The following LRRC58 variants were observed in gnomAD, a reference collection of about 807,000 sequenced individuals.
LRRC58 encodes leucine-rich repeat-containing protein 58.
In LRRC58, 18 loss-of-function variants were observed where a neutral mutation model predicts 30.6. The ratio of observed to expected loss-of-function variants is 0.59; its 90% CI spans 0.41 to 0.87. The LOEUF (loss-of-function observed/expected upper bound fraction) is 0.87, where lower values mean the gene tolerates loss of function less well. Ranked by LOEUF, LRRC58 falls within the 40% of genes least tolerant of loss-of-function variation. The pLI, the probability that LRRC58 is intolerant of heterozygous loss-of-function variation, is 0.00. For synonymous variants in LRRC58, 221 were observed against 206.0 expected (o/e 1.07, Z -0.62); for missense variants, 420 against 468.4 (o/e 0.90, Z 0.95).
chr3:120,346,539 T>C (rs1025682256), intron 1 of LRRC58, among the ~76,000 whole-genome samples: 1 of 152,176 alleles, frequency 6.6e-6, no homozygotes, highest in Non-Finnish European at 1.5e-5. Flanking sequence ...TATGACAGGA[T>C]CTACTGCATT....
At chr3:120,337,524 T>C (rs899586086) in intron 1 of LRRC58, among the ~76,000 whole-genome samples, 1 of 152,220 alleles carries the variant, frequency 6.6e-6, no homozygotes, top group Non-Finnish European at 1.5e-5. Context: ...TATATATATA[T>C]ATTCTGCATA....
chr3:120,343,575 T>C (rs1223372393), intron 1 of LRRC58, among the ~76,000 whole-genome samples: 5 of 152,234 alleles, frequency 3.3e-5, no homozygotes, highest in Non-Finnish European at 7.3e-5. Flanking sequence ...AAATTGTCTC[T>C]TGAAAAATGA....
At chr3:120,343,333 TCTA>T (rs1425672706) in intron 1 of LRRC58, among the ~76,000 whole-genome samples, 1 of 152,208 alleles carries the variant, frequency 6.6e-6, no homozygotes, top group African/African-American at 2.4e-5. Flanking sequence ...TATAACACAC[TCTA>T]CTGTTTCTGA....
intron 1 of LRRC58, among the ~76,000 whole-genome samples, chr3:120,344,077 AC>A (rs905261414): frequency 2.6e-4 from 40 of 151,810 alleles, no homozygotes; most frequent in African/African-American, 9.7e-4. Flanking sequence ...ACAAAAAAAA[AC>A]CCCCAAACAA....
chr3:120,341,328 T>G (rs1017535480), intron 1 of LRRC58, among the ~76,000 whole-genome samples: 1 of 151,848 alleles, frequency 6.6e-6, no homozygotes, highest in Non-Finnish European at 1.5e-5. Flanking sequence ...GAGAATACTA[T>G]CAGGGAAAAA....
intron 1 of LRRC58, among the ~76,000 whole-genome samples, chr3:120,338,024 G>A (rs1250163988): frequency 6.6e-6 from 1 of 152,024 alleles, no homozygotes; most frequent in Non-Finnish European, 1.5e-5. Flanking sequence ...TGTATTTTTA[G>A]TAGAGATGGG....
chr3:120,338,935 C>T (rs6438577), intron 1 of LRRC58, among the ~76,000 whole-genome samples: 47,112 of 152,148 alleles, frequency 0.31, 8,905 homozygotes, highest in African/African-American at 0.52. Context: ...GAAAAGCAGA[C>T]TGGAGCCTAA....
chr3:120,342,279 C>T (rs1935913602), intron 1 of LRRC58, among the ~76,000 whole-genome samples: 1 of 152,164 alleles, frequency 6.6e-6, no homozygotes, highest in Non-Finnish European at 1.5e-5. Flanking sequence ...CTCCTGGTGC[C>T]TCTCCCCGCC....
chr3:120,335,177 CAACGT>C, intron 2 of LRRC58, 38 bp from the exon 3 acceptor site: 5 of 1,552,928 alleles, frequency 3.2e-6, no homozygotes, highest in Non-Finnish European at 4.4e-6. Context: ...TGGCAGTAAA[CAACGT>C]AACTATCAAA....
intron 1 of LRRC58, among the ~76,000 whole-genome samples, chr3:120,346,876 C>T (rs1453293085): frequency 1.3e-5 from 2 of 152,186 alleles, no homozygotes; most frequent in African/African-American, 2.4e-5. Context: ...AAGACACATG[C>T]TTAAAACTCT....
chr3:120,335,416 G>A (rs1935820617), intron 2 of LRRC58, among the ~76,000 whole-genome samples: 1 of 152,160 alleles, frequency 6.6e-6, no homozygotes, highest in East Asian at 1.9e-4. Flanking sequence ...GAAGATTTGG[G>A]GGTGGGCAGT....
At chr3:120,335,737 T>C (rs557390068) in intron 2 of LRRC58, 88 bp downstream of exon 2, 4 of 1,107,886 alleles carry the variant, frequency 3.6e-6, no homozygotes, top group Middle Eastern at 2.2e-4. Flanking sequence ...CTAATTCTTT[T>C]CTACATATAA....
In LRRC58 at chr3:120,334,803, CTT is replaced by C. The variant is rs1231078695; in HGVS notation, c.907+57_907+58del. On this transcript the variant is annotated intron_variant, in intron 3 of 3. Coordinates refer to ENST00000295628, the MANE Select transcript of LRRC58 (RefSeq NM_001099678.2). ...GAGACTGCTTTTGTCTGAAAGAAGA[CTT>C]AATTAATTTAAAAAATAGCTAAATA... The C allele has an allele frequency of 5.0e-6, 7 of 1,412,384 alleles. No homozygotes were observed. In the African/African-American group the frequency reaches 1.0e-4, roughly 20 times the overall value. The allele number at this position is 1,412,384 out of a possible 1,614,324, so 87.5% of individuals were successfully genotyped here.
At position 120,325,692 on chromosome 3, in the gene LRRC58, C is replaced by T. The variant is rs1249688888; in HGVS notation, c.*5508G>A. On this transcript the variant is annotated 3_prime_UTR_variant, in exon 4 of 4. Coordinates refer to ENST00000295628, the MANE Select transcript of LRRC58 (RefSeq NM_001099678.2). ...TATTCAAACATGTCTCACTTTCAAC[C>T]TATATTACAAAGAAAACCAGTGGCA... 6.6e-6 allele frequency: 1 copy of T among 152,132 alleles called. No homozygotes were observed. Among genetic ancestry groups the T allele is most frequent in the Non-Finnish European group, 1.5e-5 (1 of 68,016 alleles). The allele number at this position is 152,132 out of a possible 1,614,324, so 9.4% of individuals were successfully genotyped here. A position where few individuals can be genotyped will look rare whatever the true frequency, so the allele number is the denominator to read the frequency against.
intron 1 of LRRC58, among the ~76,000 whole-genome samples, chr3:120,347,091 GTCT>G (rs1381459152): frequency 2.6e-5 from 4 of 152,074 alleles, no homozygotes; most frequent in Non-Finnish European, 5.9e-5. Context: ...CATTCTGTAG[GTCT>G]TCATAGAACT....
In LRRC58 at chr3:120,334,987, G is replaced by A; in HGVS notation, c.782C>T (p.Thr261Ile). ...GGTCCGTGCAGCTAATTCCAGGAGA[G>A]TTGGAGGATCATAGGTTAAATCTCT... ...FVRDLTYDPP[T>I]LLELAARTIK... Residue 261 changes from threonine to isoleucine, a missense_variant, in exon 3 of 4, where the codon ACT becomes ATT. Around this residue, in one of 2 missense-constraint regions of LRRC58, gnomAD observed 154 missense variants for 216.8 expected, o/e 0.71. Transcript: ENST00000295628. 6.2e-7 allele frequency: 1 copy of A among 1,613,888 alleles called. No individual in the cohort carries two copies. Among genetic ancestry groups the A allele is most frequent in the Non-Finnish European group, 8.5e-7 (1 of 1,179,846 alleles).
At position 120,326,907 on chromosome 3, in the gene LRRC58, T is replaced by C. The variant is rs941824523; in HGVS notation, c.*4293A>G. On this transcript the variant is annotated 3_prime_UTR_variant, in exon 4 of 4. Coordinates refer to ENST00000295628, the MANE Select transcript of LRRC58 (RefSeq NM_001099678.2). ...TTTGCACTATTTGCTGTGTGTTTTT[T>C]CTTTTTTACATAGTGAAAAGGTAAA... The C allele has an allele frequency of 2.0e-5, 3 of 152,252 alleles. No homozygotes were observed. The allele number at this position is 152,252 out of a possible 1,614,324, so 9.4% of individuals were successfully genotyped here. A position where few individuals can be genotyped will look rare whatever the true frequency, so the allele number is the denominator to read the frequency against.
chr3:120,339,731 C>T (rs1935880906), intron 1 of LRRC58, among the ~76,000 whole-genome samples: 1 of 152,070 alleles, frequency 6.6e-6, no homozygotes, highest in Non-Finnish European at 1.5e-5. Context: ...TAAAGTTTTA[C>T]TACGACATGT....
intron 1 of LRRC58, among the ~76,000 whole-genome samples, chr3:120,339,095 C>T (rs537927803): frequency 2.0e-5 from 3 of 152,284 alleles, no homozygotes; most frequent in Admixed American, 2.0e-4. Flanking sequence ...CTTGTGTTTT[C>T]TATTATCATG....
Sources: allele counts gnomAD v4.1 joint callset (sites outside exome capture counted in the v4.1 genomes callset), GRCh38; gene constraint gnomAD v4.1.1; regional missense constraint gnomAD v4.1.1; transcripts MANE v1.5; gene names NCBI Gene and HGNC (gene_info 2026-07-23, HGNC 2026-07-21).